The following HMCN1 variants were observed in gnomAD, a reference collection of about 807,000 sequenced individuals.
HMCN1 encodes the protein hemicentin 1, also known as hemicentin-1.
HMCN1 carries 321 observed loss-of-function variants against 625.9 expected under a neutral mutation model. That is an observed-to-expected ratio of 0.51 (90% CI 0.47 to 0.56). The LOEUF (loss-of-function observed/expected upper bound fraction) is 0.56. HMCN1 is among the 20% of genes least tolerant of loss of function. HMCN1 has a pLI of 0.00. For missense variants in HMCN1, 6,588 were observed against 6,887.3 expected (o/e 0.96, Z 1.54); for synonymous variants, 2,425 against 2,417.6 (o/e 1.00, Z -0.09).
intron 1 of HMCN1, among the ~76,000 whole-genome samples, chr1:185,810,938 T>G (rs1394011918): frequency 6.6e-6 from 1 of 152,100 alleles, no homozygotes; most frequent in Non-Finnish European, 1.5e-5. Flanking sequence ...AAGAACAGTG[T>G]CAAAAATCTA....
At position 186,019,543 on chromosome 1, in the gene HMCN1, C is replaced by G. The variant is rs1654580575; in HGVS notation, c.5473C>G (p.Pro1825Ala). The part of the protein sequence containing the change: ...KKEFEVTVHV[P>A]PTIKSSGLSE... Reference sequence around the variant, plus strand: ...CTCTCCCCCTTCCTTAAATATAGTTCCTCCAACAATCAAGTCCTCAGGCCT... The same window carrying G: ...CTCTCCCCCTTCCTTAAATATAGTTGCTCCAACAATCAAGTCCTCAGGCCT... Residue 1825 changes from proline to alanine, a missense_variant and splice_region_variant, in exon 35 of 107, where the codon CCT (proline) becomes GCT (alanine). This residue lies in a region of HMCN1 where 4,628 missense variants were observed against 4,853.1 expected (regional missense o/e 0.95). Coordinates refer to ENST00000271588, the MANE Select transcript of HMCN1 (RefSeq NM_031935.3). 5.6e-6 allele frequency: 9 copies of G among 1,606,788 alleles called. No homozygotes were observed. The highest frequency in any genetic ancestry group is 7.7e-6 in the Non-Finnish European group (9 of 1,174,200).
At chr1:186,113,328 C>T (rs1660976727) in intron 72 of HMCN1, among the ~76,000 whole-genome samples, 1 of 152,204 alleles carries the variant, frequency 6.6e-6, no homozygotes, top group Non-Finnish European at 1.5e-5. Context: ...CAAACAGAGA[C>T]TGTCATAGGA....
chr1:185,833,817 T>G (rs374958055), intron 1 of HMCN1, among the ~76,000 whole-genome samples: 1 of 152,196 alleles, frequency 6.6e-6, no homozygotes, highest in African/African-American at 2.4e-5. Context: ...CATACTCTTT[T>G]CCAATTTCTT....
chr1:185,902,596 C>T (rs796619989), intron 4 of HMCN1, among the ~76,000 whole-genome samples: 4 of 151,560 alleles, frequency 2.6e-5, no homozygotes, highest in African/African-American at 7.2e-5. Context: ...AGTGTGTATG[C>T]ATATATGGAT....
intron 75 of HMCN1, among the ~76,000 whole-genome samples, chr1:186,116,095 T>C (rs1301583239): frequency 6.6e-6 from 1 of 152,112 alleles, no homozygotes; most frequent in East Asian, 1.9e-4. Flanking sequence ...TCAGGAAATA[T>C]AAAACTAGGA....
intron 1 of HMCN1, among the ~76,000 whole-genome samples, chr1:185,822,732 A>G: frequency 6.6e-6 from 1 of 152,194 alleles, no homozygotes; most frequent in African/African-American, 2.4e-5. Context: ...CATCCAAAGT[A>G]AGTAGTTTTG....
chr1:185,864,668 A>G lies in HMCN1; in HGVS notation c.498+40A>G, dbSNP rs771942721. 8 of 1,588,826 alleles carry G rather than the reference A, an allele frequency of 5.0e-6. No homozygotes were observed. In the East Asian group the frequency reaches 6.7e-5, roughly 13 times the overall value. On this transcript the variant is annotated intron_variant, in intron 3 of 106. Transcript: ENST00000271588. ...ACCCCAAACGTCTCTGTCTAAATGC[A>G]GTATGTAAGAGATTGCCTGTCCTCT...
At chr1:185,744,677 G>A (rs1448526474) in intron 1 of HMCN1, among the ~76,000 whole-genome samples, 2 of 152,190 alleles carry the variant, frequency 1.3e-5, no homozygotes, top group African/African-American at 2.4e-5. Flanking sequence ...CCAGAGCAGT[G>A]CACCTGATCC....
intron 4 of HMCN1, among the ~76,000 whole-genome samples, chr1:185,899,066 T>C (rs1665656681): frequency 6.6e-6 from 1 of 152,084 alleles, no homozygotes; most frequent in Non-Finnish European, 1.5e-5. Flanking sequence ...GGTAATAAAA[T>C]GTGTTTACAG....
In HMCN1 at chr1:185,933,671, G is replaced by C; in HGVS notation, c.1675G>C (p.Asp559His). The C allele has an allele frequency of 6.2e-7, 1 of 1,614,044 alleles. No individual in the cohort carries two copies. Among genetic ancestry groups the C allele is most frequent in the Non-Finnish European group, 8.5e-7 (1 of 1,179,942 alleles). Residue 559 changes from aspartate to histidine, a missense_variant, in exon 11 of 107, where the codon GAT becomes CAT. Asp to His is a moderately conservative substitution (Grantham distance 81). Coordinates refer to ENST00000271588, the MANE Select transcript of HMCN1 (RefSeq NM_031935.3). ...YNLTWQRNDR[D>H]VRLAEPARIR... Reference sequence around the variant, plus strand: ...TCTAACCTGGCAGAGGAATGACAGAGATGTCAGACTGGCAGAGCCAGCGAG... The same window carrying C: ...TCTAACCTGGCAGAGGAATGACAGACATGTCAGACTGGCAGAGCCAGCGAG...
rs544947519 is a variant in HMCN1 at position 186,117,713 on chromosome 1, G to T, written c.11848+90G>T. 7 of 1,247,792 alleles carry T rather than the reference G, an allele frequency of 5.6e-6. No individual in the cohort carries two copies. The East Asian group carries it at 1.6e-4, about 29-fold the overall frequency. The allele number at this position is 1,247,792 out of a possible 1,614,324, so 77.3% of individuals were successfully genotyped here. ...TGGCCTTTGTTGCACCAGAATAAAAGAATAAAATATGCATGCATTCTTGAA... is the reference window on the plus strand; with the variant it reads ...TGGCCTTTGTTGCACCAGAATAAAATAATAAAATATGCATGCATTCTTGAA... On this transcript the variant is annotated intron_variant, in intron 77 of 106. Transcript: ENST00000271588.
chr1:185,826,981 C>G (rs1390626388), intron 1 of HMCN1, among the ~76,000 whole-genome samples: 1 of 151,774 alleles, frequency 6.6e-6, no homozygotes, highest in East Asian at 1.9e-4. Flanking sequence ...TCGAGACCAT[C>G]CTGGCTGACA....
chr1:186,000,002 G>A (rs779734986), intron 25 of HMCN1, 43 bp from the exon 26 acceptor site: 1 of 1,372,788 alleles, frequency 7.3e-7, no homozygotes, highest in Admixed American at 1.8e-5. Flanking sequence ...AATAATTTCT[G>A]TTTTTGTTGT....
At position 186,188,694 on chromosome 1, in the gene HMCN1, G is replaced by C. The variant is rs112004654; in HGVS notation, c.16541+685G>C. On this transcript the variant is annotated intron_variant, in intron 106 of 106. Coordinates refer to ENST00000271588, the MANE Select transcript of HMCN1 (RefSeq NM_031935.3). Reference sequence around the variant, plus strand: ...CCAAATACTGGCTGGAGCTCACTTTGTTTTCCTCTTGGTAATGCTTACCAA... The same window carrying C: ...CCAAATACTGGCTGGAGCTCACTTTCTTTTCCTCTTGGTAATGCTTACCAA... Among the ~76,000 whole-genome samples, 565 of 152,280 alleles carry C rather than the reference G, an allele frequency of 3.7e-3. 3 individuals are homozygous for C. Among genetic ancestry groups the C allele is most frequent in the African/African-American group, 0.013 (550 of 41,556 alleles).
chr1:185,911,610 A>G, intron 5 of HMCN1, 64 bp from the exon 6 acceptor site: 1 of 1,149,836 alleles, frequency 8.7e-7, no homozygotes, highest in Middle Eastern at 1.9e-4. Flanking sequence ...TGTAGTGTTA[A>G]ATTAGCTAAT....
intron 31 of HMCN1, 93 bp downstream of exon 31, chr1:186,015,530 G>A (rs1180281851): frequency 3.1e-6 from 4 of 1,280,764 alleles, no homozygotes; most frequent in Non-Finnish European, 4.5e-6. Flanking sequence ...TCCTTGGTGG[G>A]TTTGTCTTTT....
At chr1:185,941,308 A>G (rs1019351646) in intron 11 of HMCN1, among the ~76,000 whole-genome samples, 1 of 152,230 alleles carries the variant, frequency 6.6e-6, no homozygotes, top group African/African-American at 2.4e-5. Flanking sequence ...TCTCATATCT[A>G]TAACATGTCA....
intron 68 of HMCN1, among the ~76,000 whole-genome samples, chr1:186,101,726 G>A (rs933600827): frequency 3.3e-5 from 5 of 151,996 alleles, no homozygotes; most frequent in African/African-American, 1.2e-4. Flanking sequence ...TATAAACTTT[G>A]GGGTGGGGGC....
Position 186,153,866 on chromosome 1 carries a change from T to C in HMCN1, c.15135T>C (p.Tyr5045=). Residue 5045 remains tyrosine (Y), a synonymous_variant, in exon 97 of 107, where the codon TAT becomes TAC. Transcript: ENST00000271588. ...IPYTWNHTVF[Y]DQAQGRMPFL... is the part of the protein sequence containing the mutation. ...ACACATGGAACCACACCGTTTTCTA[T>C]GATCAGGCACAGGGAAGAATGCCTT... is the stretch of plus-strand genomic sequence containing the variant. 3 of 1,614,200 alleles carry C rather than the reference T, an allele frequency of 1.9e-6. No homozygotes were observed. The highest frequency in any genetic ancestry group is 2.5e-6 in the Non-Finnish European group (3 of 1,180,016).
Sources: allele counts gnomAD v4.1 joint callset (sites outside exome capture counted in the v4.1 genomes callset), GRCh38; gene constraint gnomAD v4.1.1; regional missense constraint gnomAD v4.1.1; transcripts MANE v1.5; gene names NCBI Gene and HGNC (gene_info 2026-07-23, HGNC 2026-07-21).